Variants in SLC66A3 observed in about 807,000 individuals in gnomAD.
SLC66A3 encodes PQ loop repeat containing 3.
In SLC66A3, 23 loss-of-function variants were observed where a neutral mutation model predicts 25.5. The observed-to-expected ratio is 0.90, with a 90% CI of 0.65 to 1.28. SLC66A3 has a LOEUF of 1.28. Ranked by LOEUF, SLC66A3 falls within the 50% of genes most tolerant of loss-of-function variation. The pLI, the probability that SLC66A3 is intolerant of heterozygous loss-of-function variation, is 0.00. For synonymous variants in SLC66A3, 108 were observed against 112.6 expected (o/e 0.96, Z 0.26); for missense variants, 246 against 262.1 (o/e 0.94, Z 0.42).
At chr2:11,165,075 G>C (rs1281966564) in intron 4 of SLC66A3, among the ~76,000 whole-genome samples, 2 of 152,168 alleles carry the variant, frequency 1.3e-5, no homozygotes, top group Non-Finnish European at 1.5e-5. Context: ...GTGGCGGCCG[G>C]GCAGAGGGGT....
chr2:11,155,806 C>T, intron 1 of SLC66A3, 117 bp downstream of exon 1: 1 of 1,043,266 alleles, frequency 9.6e-7, no homozygotes, highest in South Asian at 2.8e-5. Flanking sequence ...GCCGGCGTCG[C>T]AGCTGGGCGG....
At chr2:11,177,289 G>A (rs1321703374) in intron 6 of SLC66A3, among the ~76,000 whole-genome samples, 2 of 152,018 alleles carry the variant, frequency 1.3e-5, no homozygotes, top group African/African-American at 2.4e-5. Context: ...GTGAAACCCT[G>A]TCTCTACTAA....
intron 1 of SLC66A3, among the ~76,000 whole-genome samples, chr2:11,159,648 A>AT (rs1395188343): frequency 6.6e-6 from 1 of 152,128 alleles, no homozygotes; most frequent in Non-Finnish European, 1.5e-5. Context: ...TTGAAGTCCC[A>AT]TGGTTCCGGC....
At chr2:11,156,649 GC>G (rs977260364) in intron 1 of SLC66A3, among the ~76,000 whole-genome samples, 3 of 152,154 alleles carry the variant, frequency 2.0e-5, no homozygotes, top group African/African-American at 7.2e-5. Context: ...CCCCGCGCCG[GC>G]CCTATGGAGC....
At chr2:11,160,816 A>T in intron 3 of SLC66A3, 122 bp downstream of exon 3, 1 of 1,439,216 alleles carries the variant, frequency 6.9e-7, no homozygotes, top group Non-Finnish European at 9.3e-7. Context: ...AAAAAAAAAA[A>T]AAAAATCCCA....
At chr2:11,168,442 G>T (rs1417038906) in intron 4 of SLC66A3, among the ~76,000 whole-genome samples, 1 of 152,132 alleles carries the variant, frequency 6.6e-6, no homozygotes. Flanking sequence ...ACTACTTCAG[G>T]ACTGTAAAAA....
chr2:11,160,594 T>C (rs1454748032), intron 2 of SLC66A3, 31 bp from the exon 3 acceptor site: 3 of 1,613,990 alleles, frequency 1.9e-6, no homozygotes, highest in Non-Finnish European at 2.5e-6. Flanking sequence ...GGTCTCCCCT[T>C]CCCCCCTCAC....
At chr2:11,155,734 T>C in intron 1 of SLC66A3, 45 bp downstream of exon 1, 4 of 1,322,270 alleles carry the variant, frequency 3.0e-6, no homozygotes, top group Non-Finnish European at 3.9e-6. Context: ...CCCTCGCAGC[T>C]GCTGCCGGCT....
chr2:11,162,647 C>T (rs1031424600), intron 3 of SLC66A3, among the ~76,000 whole-genome samples: 1 of 152,130 alleles, frequency 6.6e-6, no homozygotes, highest in Admixed American at 6.6e-5. Flanking sequence ...CACTCTGTCG[C>T]CCAGGCTGGA....
intron 1 of SLC66A3, 113 bp from the exon 2 acceptor site, chr2:11,160,353 C>T: frequency 1.2e-6 from 1 of 843,262 alleles, no homozygotes; most frequent in Non-Finnish European, 2.0e-6. Context: ...ACTGGCGTGT[C>T]CACACCCCCA....
intron 3 of SLC66A3, 107 bp downstream of exon 3, chr2:11,160,801 T>TAAAAA: frequency 8.2e-7 from 1 of 1,225,288 alleles, no homozygotes; most frequent in Non-Finnish European, 1.1e-6. Flanking sequence ...TTGGTTAAAC[T>TAAAAA]AAAAAAAAAA....
At chr2:11,162,431 T>C (rs1662161443) in intron 3 of SLC66A3, among the ~76,000 whole-genome samples, 2 of 152,304 alleles carry the variant, frequency 1.3e-5, no homozygotes, top group South Asian at 2.1e-4. Context: ...TTTGTGAAGA[T>C]AGTGAGGCTG....
chr2:11,155,688 G>A lies in SLC66A3; in HGVS notation c.142G>A (p.Gly48Arg), dbSNP rs768239352. 7 of 1,432,346 alleles carry A rather than the reference G, an allele frequency of 4.9e-6. No homozygotes were observed. In the Admixed American group the frequency reaches 1.1e-4, roughly 22 times the overall value. 88.7% of individuals were successfully genotyped at this position (1,432,346 alleles called of 1,614,324 possible). The change falls in exon 1 of 7, where the codon GGA becomes AGA. Residue 48 changes from glycine (G) to arginine (R), a missense_variant and splice_region_variant. Physicochemically the swap from Gly to Arg is moderately radical, Grantham distance 125. Around this residue, in one of 3 missense-constraint regions of SLC66A3, gnomAD observed 142 missense variants for 130.3 expected, o/e 1.09. Coordinates refer to ENST00000295083, the MANE Select transcript of SLC66A3 (RefSeq NM_152391.5). ...TCCGAGTTTACTTCTGGAGCTGGCA[G>A]GGTAAGGCCCGGGGCGGCCGGGGCT... ...SLPSLLLELAGFLVFLRYQCY... is the reference protein window; with the variant it reads ...SLPSLLLELARFLVFLRYQCY...
chr2:11,176,494 G>C (rs998901481), intron 6 of SLC66A3, among the ~76,000 whole-genome samples: 1 of 150,676 alleles, frequency 6.6e-6, no homozygotes, highest in African/African-American at 2.4e-5. Flanking sequence ...GGGATTACAG[G>C]CGTGTGCCAC....
chr2:11,155,512 G>T lies in SLC66A3; in HGVS notation c.-35G>T, dbSNP rs758997250. ...CGCCGAGGCTGAGCGGTCCCTTCTC[G>T]CTGCGGCCGCCCAGGTGCCCGCGCC... On this transcript the variant is annotated 5_prime_UTR_variant, in exon 1 of 7. Coordinates refer to ENST00000295083, the MANE Select transcript of SLC66A3 (RefSeq NM_152391.5). 1.0e-5 allele frequency: 15 copies of T among 1,475,528 alleles called. No individual in the cohort carries two copies. The South Asian group carries it at 1.9e-4, about 19-fold the overall frequency. 91.4% of individuals were successfully genotyped at this position (1,475,528 alleles called of 1,614,324 possible).
At chr2:11,161,785 T>C (rs965434177) in intron 3 of SLC66A3, among the ~76,000 whole-genome samples, 1 of 152,254 alleles carries the variant, frequency 6.6e-6, no homozygotes, top group Non-Finnish European at 1.5e-5. Flanking sequence ...CTTTCCAAAG[T>C]GCTGGGATTA....
chr2:11,174,871 A>AAT, intron 5 of SLC66A3, 97 bp from the exon 6 acceptor site: 1 of 699,498 alleles, frequency 1.4e-6, no homozygotes, highest in Non-Finnish European at 2.4e-6. Context: ...AATAATGGTT[A>AAT]ATATATATTG....
Position 11,156,797 on chromosome 2 carries a change from G to A in SLC66A3, c.143+1108G>A, listed in dbSNP as rs558891858. Reference sequence around the variant, plus strand: ...CGGGGTGGGGAGGGGGGGGTCCCAGGCTGGATGGCAGGGTTGAGAGGCACC... The same window carrying A: ...CGGGGTGGGGAGGGGGGGGTCCCAGACTGGATGGCAGGGTTGAGAGGCACC... On this transcript the variant is annotated intron_variant, in intron 1 of 6. Coordinates refer to ENST00000295083, the MANE Select transcript of SLC66A3 (RefSeq NM_152391.5). Among the ~76,000 whole-genome samples, 10 of 152,184 alleles carry A rather than the reference G, an allele frequency of 6.6e-5. 1 individual carries two copies.
At chr2:11,170,313 C>T (rs866422344) in intron 4 of SLC66A3, among the ~76,000 whole-genome samples, 1 of 151,604 alleles carries the variant, frequency 6.6e-6, no homozygotes, top group African/African-American at 2.4e-5. Context: ...TGTCTCCCTT[C>T]GGTCTACACT....
Sources: gnomAD v4.1 joint callset for allele counts (sites outside exome capture counted in the v4.1 genomes callset) on GRCh38, gnomAD v4.1.1 for gene constraint, gnomAD v4.1.1 regional missense constraint, MANE v1.5 for transcripts, NCBI Gene and HGNC (gene_info 2026-07-23, HGNC 2026-07-21) for gene names.